The following LMO3 variants were observed in gnomAD, a reference collection of about 807,000 sequenced individuals.
The protein encoded by LMO3 is LIM domain only protein 3.
Under a neutral mutation model 15.8 loss-of-function variants are expected in LMO3, and 2 were observed. The observed-to-expected ratio is 0.13, with a 90% CI of 0.05 to 0.40. The LOEUF (loss-of-function observed/expected upper bound fraction) is 0.40. Among genes scored for constraint, LMO3 ranks in the 10% least tolerant of loss-of-function variants. The pLI, the probability that LMO3 is intolerant of heterozygous loss-of-function variation, is 0.99. For synonymous variants in LMO3, 62 were observed against 63.8 expected (o/e 0.97, Z 0.13); for missense variants, 86 against 182.2 (o/e 0.47, Z 3.04).
In LMO3 at chr12:16,587,870, G is replaced by A. The variant is rs1337395287; in HGVS notation, c.206+12785C>T. On this transcript the variant is annotated intron_variant, in intron 2 of 3. Transcript: ENST00000537304. The surrounding 1 kb of genome is among the most constrained non-coding windows in gnomAD (Gnocchi z 4.3). ...TAATGCTGCCAGTAGCTATGGTATA[G>A]TGTTAGAAAAAGTCCACAAGCATTG... Among the ~76,000 whole-genome samples the A allele has an allele frequency of 1.3e-5, 2 of 152,100 alleles. No homozygotes were observed. Among genetic ancestry groups the A allele is most frequent in the African/African-American group, 4.8e-5 (2 of 41,442 alleles).
At chr12:16,552,669 C>T (rs1331113345) in intron 3 of LMO3, among the ~76,000 whole-genome samples, 2 of 151,910 alleles carry the variant, frequency 1.3e-5, no homozygotes, top group African/African-American at 4.8e-5. Flanking sequence ...TACTTTTTTT[C>T]CCCAGGATTA....
At chr12:16,574,882 C>T (rs1942941987) in intron 2 of LMO3, among the ~76,000 whole-genome samples, 1 of 152,098 alleles carries the variant, frequency 6.6e-6, no homozygotes, top group South Asian at 2.1e-4. Context: ...TAGTCATTAA[C>T]AGCAGTGATA....
chr12:16,553,945 A>C (rs1942088124), intron 3 of LMO3, among the ~76,000 whole-genome samples: 1 of 152,078 alleles, frequency 6.6e-6, no homozygotes, highest in African/African-American at 2.4e-5. Flanking sequence ...CAATTACTAA[A>C]AATAAACATA....
intron 3 of LMO3, among the ~76,000 whole-genome samples, chr12:16,554,833 AT>A (rs1177587597): frequency 1.3e-5 from 2 of 151,378 alleles, no homozygotes; most frequent in African/African-American, 4.9e-5. Context: ...ATTTTTTTGT[AT>A]TTTTTAGTAG....
At chr12:16,580,200 A>C (rs1943117079) in intron 2 of LMO3, among the ~76,000 whole-genome samples, 1 of 152,180 alleles carries the variant, frequency 6.6e-6, no homozygotes, top group Non-Finnish European at 1.5e-5. Context: ...TCCTGGGCTC[A>C]AGTGGTCCTC....
In LMO3 at chr12:16,582,779, G is replaced by A. The variant is rs1012095197; in HGVS notation, c.206+17876C>T. On this transcript the variant is annotated intron_variant, in intron 2 of 3. Coordinates refer to ENST00000537304, the MANE Select transcript of LMO3 (RefSeq NM_018640.5). The surrounding 1 kb of genome is among the most constrained non-coding windows in gnomAD (Gnocchi z 4.1). ...GAATCAGAACTAGGCCGGGCACGGT[G>A]GCCCATGCCTGTAATCCCAGCACTT... 2.6e-5 allele frequency among the ~76,000 whole-genome samples: 4 copies of A among 152,174 alleles called. No individual in the cohort carries two copies. Among genetic ancestry groups the A allele is most frequent in the African/African-American group, 9.7e-5 (4 of 41,442 alleles).
rs541987149 is a variant in LMO3 at position 16,594,302 on chromosome 12, T to C, written c.206+6353A>G. 228 of 1,466,880 alleles carry C rather than the reference T, an allele frequency of 1.6e-4. 1 individual carries two copies. The East Asian group carries it at 4.5e-3, about 29-fold the overall frequency. 90.9% of individuals were successfully genotyped at this position (1,466,880 alleles called of 1,614,324 possible). On this transcript the variant is annotated intron_variant, in intron 2 of 3. Coordinates refer to ENST00000537304, the MANE Select transcript of LMO3 (RefSeq NM_018640.5). ...TGCCATGTGTCAGCAGAAGTAATCA[T>C]ATACACAAACCAATTTTTATAAGCC... is the stretch of plus-strand genomic sequence containing the variant.
intron 2 of LMO3, among the ~76,000 whole-genome samples, chr12:16,571,275 A>G (rs1942805104): frequency 6.6e-6 from 1 of 152,136 alleles, no homozygotes; most frequent in African/African-American, 2.4e-5. Context: ...TTACAAAGGC[A>G]TCAGTATTTT....
rs1481132503 is a variant in LMO3, at chr12:16,559,178, A to G, written c.332+1235T>C. On this transcript the variant is annotated intron_variant, in intron 3 of 3. Transcript: ENST00000537304. The surrounding 1 kb of genome is among the most constrained non-coding windows in gnomAD (Gnocchi z 4.1). ...CTGCCAGGTGTTCTCACAGAAAGTC[A>G]GTGAATTCATTTTCATTAAAATCTA... Among the ~76,000 whole-genome samples, 2 of 152,210 alleles carry G rather than the reference A, an allele frequency of 1.3e-5. No homozygotes were observed. Among genetic ancestry groups the G allele is most frequent in the African/African-American group, 4.8e-5 (2 of 41,464 alleles).
intron 2 of LMO3, among the ~76,000 whole-genome samples, chr12:16,569,866 T>A (rs1190858772): frequency 6.6e-6 from 1 of 152,090 alleles, no homozygotes; most frequent in Non-Finnish European, 1.5e-5. Context: ...AAAACAGAAA[T>A]ATTTTAACTA....
rs1279693213 is a variant in LMO3 at position 16,593,382 on chromosome 12, A to G, written c.206+7273T>C. Among the ~76,000 whole-genome samples, 3 of 151,734 alleles carry G rather than the reference A, an allele frequency of 2.0e-5. No individual in the cohort carries two copies. The highest frequency in any genetic ancestry group is 4.4e-5 in the Non-Finnish European group (3 of 67,754). On this transcript the variant is annotated intron_variant, in intron 2 of 3. Coordinates refer to ENST00000537304, the MANE Select transcript of LMO3 (RefSeq NM_018640.5). The surrounding 1 kb of genome is among the most constrained non-coding windows in gnomAD (Gnocchi z 4.2). ...ACATGCAGCTTAATGTTAATTTTCC[A>G]CCTTCAAATCAGGGATTTGACTATT...
In LMO3 at chr12:16,598,023, A is replaced by C. The variant is rs1448342907; in HGVS notation, c.206+2632T>G. ...TTGCCTGAAATCATACCTCTCACACAGTAAGCATTTAATAAACATTTTTGA... is the reference window on the plus strand; with the variant it reads ...TTGCCTGAAATCATACCTCTCACACCGTAAGCATTTAATAAACATTTTTGA... On this transcript the variant is annotated intron_variant, in intron 2 of 3. Coordinates refer to ENST00000537304, the MANE Select transcript of LMO3 (RefSeq NM_018640.5). The surrounding 1 kb of genome is among the most constrained non-coding windows in gnomAD (Gnocchi z 4.3). 1.3e-5 allele frequency: 2 copies of C among 152,062 alleles called. No homozygotes were observed. The highest frequency in any genetic ancestry group is 4.8e-5 in the African/African-American group (2 of 41,442). The allele number at this position is 152,062 out of a possible 1,614,324, so 9.4% of individuals were successfully genotyped here.
chr12:16,567,653 G>A (rs1942664403), intron 2 of LMO3: 1 of 152,192 alleles, frequency 6.6e-6, no homozygotes, highest in African/African-American at 2.4e-5. Context: ...GACCAATATG[G>A]TAGTAGTCTG....
intron 2 of LMO3, among the ~76,000 whole-genome samples, chr12:16,590,582 C>T (rs563403626): frequency 6.6e-6 from 1 of 151,300 alleles, no homozygotes; most frequent in Non-Finnish European, 1.5e-5. Context: ...CACATCTTTG[C>T]AATTTGTATT....
intron 1 of LMO3, 37 bp downstream of exon 1, chr12:16,606,029 A>C: frequency 1.7e-6 from 1 of 592,924 alleles, no homozygotes; most frequent in Non-Finnish European, 3.0e-6. Flanking sequence ...CACACCACAA[A>C]TAAGCCGACG....
In LMO3 at chr12:16,551,243, A is replaced by T. The variant is rs1305243387; in HGVS notation, c.417T>A (p.Gly139=). Residue 139 remains glycine, a synonymous_variant, in exon 4 of 4, where the codon GGT becomes GGA. Coordinates refer to ENST00000537304, the MANE Select transcript of LMO3 (RefSeq NM_018640.5). ...TDYEEGLMKE[G]YAPQVR Reference sequence around the variant, plus strand: ...TAGATCAGCGAACCTGGGGTGCATAACCTTCTTTCATTAAACCTTCCTCGT... The same window carrying T: ...TAGATCAGCGAACCTGGGGTGCATATCCTTCTTTCATTAAACCTTCCTCGT... 1.2e-6 allele frequency: 2 copies of T among 1,610,848 alleles called. No individual in the cohort carries two copies. Among genetic ancestry groups the T allele is most frequent in the East Asian group, 4.5e-5 (2 of 44,850 alleles).
Position 16,603,318 on chromosome 12 carries a change from C to T in LMO3, c.-8-2450G>A, listed in dbSNP as rs1943886061. Reference sequence around the variant, plus strand: ...ATGGCAATTCTCTTGAAAATGGAATCTCTTGAATTCCATGCAAGTTAACAA... The same window carrying T: ...ATGGCAATTCTCTTGAAAATGGAATTTCTTGAATTCCATGCAAGTTAACAA... On this transcript the variant is annotated intron_variant, in intron 1 of 3. Coordinates refer to ENST00000537304, the MANE Select transcript of LMO3 (RefSeq NM_018640.5). This position sits in a 1 kb window ranked among gnomAD's most constrained non-coding sequence, Gnocchi z 4.9. 6.6e-6 allele frequency among the ~76,000 whole-genome samples: 1 copy of T among 152,182 alleles called. No homozygotes were observed. The highest frequency in any genetic ancestry group is 1.5e-5 in the Non-Finnish European group (1 of 68,032).
At chr12:16,602,422 A>G (rs1247287895) in intron 1 of LMO3, 14 of 152,262 alleles carry the variant, frequency 9.2e-5, no homozygotes, top group Admixed American at 7.8e-4. Flanking sequence ...TGCACAAAAT[A>G]TTGTTAGGAT....
Position 16,555,706 on chromosome 12 carries a change from A to G in LMO3, c.333-4379T>C, listed in dbSNP as rs756518213. Among the ~76,000 whole-genome samples the G allele has an allele frequency of 6.6e-6, 1 of 152,092 alleles. No homozygotes were observed. The highest frequency in any genetic ancestry group is 1.5e-5 in the Non-Finnish European group (1 of 68,026). ...ATGTGCCTACCAAACCGCTTCTCTA[A>G]TCTCTGAACATACTGAGCCGCTTTT... On this transcript the variant is annotated intron_variant, in intron 3 of 3. Transcript: ENST00000537304. This position sits in a 1 kb window ranked among gnomAD's most constrained non-coding sequence, Gnocchi z 5.5.
Sources: allele counts gnomAD v4.1 joint callset (sites outside exome capture counted in the v4.1 genomes callset), GRCh38; gene constraint gnomAD v4.1.1; non-coding constraint Gnocchi (gnomAD v3.1); transcripts MANE v1.5; gene names NCBI Gene and HGNC (gene_info 2026-07-23, HGNC 2026-07-21).